Variants in TAGLN observed in about 807,000 individuals in gnomAD.
TAGLN encodes the protein 22 kDa actin-binding protein.
TAGLN carries 16 observed loss-of-function variants against 21.9 expected under a neutral mutation model. The observed-to-expected ratio is 0.73, with a 90% CI of 0.49 to 1.11. The LOEUF is 1.11. TAGLN is among the 50% of genes least tolerant of loss of function. The pLI is 0.00. For synonymous variants in TAGLN, 96 were observed against 94.9 expected (o/e 1.01, Z -0.06); for missense variants, 248 against 263.2 (o/e 0.94, Z 0.40).
In TAGLN at chr11:117,203,103, G is replaced by A; in HGVS notation, c.90G>A (p.Leu30=). The change falls in exon 2 of 5, where the codon CTG becomes CTA. Residue 30 remains leucine, a synonymous_variant. Transcript: ENST00000392951. This position sits in a 1 kb window ranked among gnomAD's most constrained non-coding sequence, Gnocchi z 4.4. Reference sequence around the variant, plus strand: ...ATGACGAGGAGCTGGAGGAGCGGCTGGTGGAGTGGATCATAGTGCAGTGTG... The same window carrying A: ...ATGACGAGGAGCTGGAGGAGCGGCTAGTGGAGTGGATCATAGTGCAGTGTG... ...KKYDEELEER[L]VEWIIVQCGP... 6.2e-7 allele frequency: 1 copy of A among 1,612,850 alleles called. No homozygotes were observed. The highest frequency in any genetic ancestry group is 1.1e-5 in the South Asian group (1 of 90,862).
chr11:117,204,850 C>T lies in TAGLN; in HGVS notation c.*491C>T, dbSNP rs508487. Reference sequence around the variant, plus strand: ...CACTTTTGTTATGGTTTCAGATCTGCGCAGGGGACAGGCAGGCATCTCGGG... The same window carrying T: ...CACTTTTGTTATGGTTTCAGATCTGTGCAGGGGACAGGCAGGCATCTCGGG... On this transcript the variant is annotated 3_prime_UTR_variant, in exon 5 of 5. Coordinates refer to ENST00000392951, the MANE Select transcript of TAGLN (RefSeq NM_003186.5). 16,743 of 267,740 alleles carry T rather than the reference C, an allele frequency of 0.063. 718 individuals carry two copies. Among genetic ancestry groups the T allele is most frequent in the East Asian group, 0.13 (1,911 of 15,142 alleles). The allele number at this position is 267,740 out of a possible 1,614,324, so 16.6% of individuals were successfully genotyped here.
rs773771927 is a variant in TAGLN, at chr11:117,203,766, T to G, written c.359-16T>G. The stretch of plus-strand genomic sequence containing the variant: ...ACGTTCTTGATGTTCATCTCCTCTC[T>G]CCTGTCTTCTCACAGGCAAAGACAT... On this transcript the variant is annotated splice_polypyrimidine_tract_variant and intron_variant, in intron 3 of 4. Transcript: ENST00000392951. The surrounding 1 kb of genome is among the most constrained non-coding windows in gnomAD (Gnocchi z 4.4). 1 of 1,608,628 alleles carries G rather than the reference T, an allele frequency of 6.2e-7. No individual in the cohort carries two copies. Among genetic ancestry groups the G allele is most frequent in the Non-Finnish European group, 8.5e-7 (1 of 1,175,436 alleles).
intron 4 of TAGLN, 136 bp downstream of exon 4, chr11:117,204,020 T>C: frequency 9.9e-7 from 1 of 1,006,914 alleles, no homozygotes. Context: ...GAATAATGGG[T>C]CCTTAATACT....
In TAGLN at chr11:117,205,507, G is replaced by T; in HGVS notation, c.*1148G>T. 1 of 234,430 alleles carries T rather than the reference G, an allele frequency of 4.3e-6. No individual in the cohort carries two copies. 14.5% of individuals were successfully genotyped at this position (234,430 alleles called of 1,614,324 possible). On this transcript the variant is annotated 3_prime_UTR_variant, in exon 5 of 5. Transcript: ENST00000392951. ...TCATTCATGGTTGGTTTCTGATCAG[G>T]CATCTTGGGAATGGATAATGGAGGC...
Position 117,203,170 on chromosome 11 carries a change from C to T in TAGLN, c.157C>T (p.Gln53Ter). ...CCCAGACCGTGGGCGCTTGGGCTTC[C>T]AGGTCTGGCTGAAGAATGGCGTGGT... ...GRPDRGRLGF[Q>*]VWLKNGVILS... Residue 53 changes from glutamine (Q) to a stop codon, truncating the protein, a stop_gained, in exon 2 of 5, where the codon CAG (glutamine) becomes TAG (stop). Coordinates refer to ENST00000392951, the MANE Select transcript of TAGLN (RefSeq NM_003186.5). LOFTEE classifies it high-confidence loss of function. This position sits in a 1 kb window ranked among gnomAD's most constrained non-coding sequence, Gnocchi z 4.4. The T allele has an allele frequency of 1.9e-6, 3 of 1,590,816 alleles. No homozygotes were observed. Among genetic ancestry groups the T allele is most frequent in the Non-Finnish European group, 2.6e-6 (3 of 1,166,042 alleles).
In TAGLN at chr11:117,206,291, C is replaced by T. The variant is rs757909461; in HGVS notation, c.*1932C>T. 6.2e-7 allele frequency: 1 copy of T among 1,614,152 alleles called. No individual in the cohort carries two copies. The highest frequency in any genetic ancestry group is 1.7e-5 in the Admixed American group (1 of 60,008). ...GATTGGAAGCCACATTCCTCTGGCT[C>T]AAATATACTTCCAGCATGTAGTAAA... On this transcript the variant is annotated 3_prime_UTR_variant, in exon 5 of 5. Coordinates refer to ENST00000392951, the MANE Select transcript of TAGLN (RefSeq NM_003186.5).
Position 117,204,386 on chromosome 11 carries a change from G to A in TAGLN, c.*27G>A. On this transcript the variant is annotated 3_prime_UTR_variant, in exon 5 of 5. Transcript: ENST00000392951. The stretch of plus-strand genomic sequence containing the variant: ...GCGGAGAGGGCTAGCCCTGAGCCCG[G>A]CCCTCCCCCAGCTCCTTGGCTGCAG... The A allele has an allele frequency of 6.2e-7, 1 of 1,614,106 alleles. No homozygotes were observed. Among genetic ancestry groups the A allele is most frequent in the Non-Finnish European group, 8.5e-7 (1 of 1,179,964 alleles).
Position 117,206,438 on chromosome 11 carries a change from A to C in TAGLN, c.*2079A>C. The C allele has an allele frequency of 6.5e-7, 1 of 1,531,358 alleles. No homozygotes were observed. The highest frequency in any genetic ancestry group is 2.3e-5 in the East Asian group (1 of 44,170). 94.9% of individuals were successfully genotyped at this position (1,531,358 alleles called of 1,614,324 possible). ...CTCAGCCCAGGACAATGAGCTCAGA[A>C]AGTCTTTTTCCTTCTAGGGACTGCC... On this transcript the variant is annotated 3_prime_UTR_variant, in exon 5 of 5. Coordinates refer to ENST00000392951, the MANE Select transcript of TAGLN (RefSeq NM_003186.5).
chr11:117,203,175 C>A lies in TAGLN; in HGVS notation c.162C>A (p.Val54=). ...RPDRGRLGFQ[V]WLKNGVILSK... ...ACCGTGGGCGCTTGGGCTTCCAGGT[C>A]TGGCTGAAGAATGGCGTGGTGAGTG... Residue 54 remains valine, a synonymous_variant, in exon 2 of 5, where the codon GTC becomes GTA. Coordinates refer to ENST00000392951, the MANE Select transcript of TAGLN (RefSeq NM_003186.5). The surrounding 1 kb of genome is among the most constrained non-coding windows in gnomAD (Gnocchi z 4.4). 2 of 1,589,928 alleles carry A rather than the reference C, an allele frequency of 1.3e-6. No individual in the cohort carries two copies. The highest frequency in any genetic ancestry group is 2.3e-5 in the South Asian group (2 of 87,964).
Position 117,203,414 on chromosome 11 carries a change from G to T in TAGLN, c.288G>T (p.Gln96His). 6.2e-7 allele frequency: 1 copy of T among 1,614,224 alleles called. No homozygotes were observed. The highest frequency in any genetic ancestry group is 8.5e-7 in the Non-Finnish European group (1 of 1,180,038). The change falls in exon 3 of 5, where the codon CAG becomes CAT. Residue 96 changes from glutamine to histidine, a missense_variant. Transcript: ENST00000392951. The surrounding 1 kb of genome is among the most constrained non-coding windows in gnomAD (Gnocchi z 4.4). ...TCAAGCAGATGGAGCAGGTGGCTCAGTTCCTGAAGGCGGCTGAGGACTATG... is the reference window on the plus strand; with the variant it reads ...TCAAGCAGATGGAGCAGGTGGCTCATTTCCTGAAGGCGGCTGAGGACTATG... Reference protein sequence around the residue: ...MVFKQMEQVAQFLKAAEDYGV... With the variant: ...MVFKQMEQVAHFLKAAEDYGV...
rs369606917 is a variant in TAGLN at position 117,206,158 on chromosome 11, C to T, written c.*1799C>T. 2.2e-5 allele frequency: 36 copies of T among 1,612,034 alleles called. 1 individual carries two copies. The highest frequency in any genetic ancestry group is 1.7e-4 in the Middle Eastern group (1 of 6,056). ...GGGCCCCTGCTCTCTGTTTCCACTT[C>T]GTCTGGATCCTTGCTGCTGCAAAGT... is the stretch of plus-strand genomic sequence containing the variant. On this transcript the variant is annotated 3_prime_UTR_variant, in exon 5 of 5. Coordinates refer to ENST00000392951, the MANE Select transcript of TAGLN (RefSeq NM_003186.5).
Position 117,203,064 on chromosome 11 carries a change from A to C in TAGLN, c.51A>C (p.Lys17Asn), listed in dbSNP as rs1269796827. ...GCATGAGCCGCGAAGTGCAGTCCAA[A>C]ATCGAGAAGAAGTATGACGAGGAGC... The part of the protein sequence containing the change: ...SYGMSREVQS[K>N]IEKKYDEELE... Residue 17 changes from lysine (K) to asparagine (N), a missense_variant, in exon 2 of 5, where the codon AAA becomes AAC. Lys to Asn is a moderately conservative substitution (Grantham distance 94). Transcript: ENST00000392951. The surrounding 1 kb of genome is among the most constrained non-coding windows in gnomAD (Gnocchi z 4.4). 19 of 1,609,146 alleles carry C rather than the reference A, an allele frequency of 1.2e-5. No homozygotes were observed. Among genetic ancestry groups the C allele is most frequent in the Non-Finnish European group, 1.6e-5 (19 of 1,177,734 alleles).
At chr11:117,202,762 A>G in intron 1 of TAGLN, 1 of 349,770 alleles carries the variant, frequency 2.9e-6, no homozygotes. Flanking sequence ...TATCCTTTAC[A>G]AAAACAGTTT....
chr11:117,204,031 C>A, intron 4 of TAGLN, 147 bp downstream of exon 4: 1 of 1,050,860 alleles, frequency 9.5e-7, no homozygotes, highest in Non-Finnish European at 1.4e-6. Flanking sequence ...CCTTAATACT[C>A]CTTGACCCCT....
In TAGLN at chr11:117,203,217, CGCTGGGGG is replaced by C. The variant is rs780168789; in HGVS notation, c.180+32_180+39del. 6 of 1,592,230 alleles carry C rather than the reference CGCTGGGGG, an allele frequency of 3.8e-6. No homozygotes were observed. The highest frequency in any genetic ancestry group is 4.3e-6 in the Non-Finnish European group (5 of 1,165,948). ...TGGTGAGTGGCACCCTGGGCTAGGG[CGCTGGGGG>C]GCTGGGGTGTGCCACCCTGTGAGTC... is the stretch of plus-strand genomic sequence containing the variant. On this transcript the variant is annotated intron_variant, in intron 2 of 4. Coordinates refer to ENST00000392951, the MANE Select transcript of TAGLN (RefSeq NM_003186.5). The surrounding 1 kb of genome is among the most constrained non-coding windows in gnomAD (Gnocchi z 4.4).
chr11:117,204,050 AC>A, intron 4 of TAGLN, 164 bp from the exon 5 acceptor site: 1 of 1,144,812 alleles, frequency 8.7e-7, no homozygotes, highest in Middle Eastern at 2.2e-4. Context: ...CTCCCTTTCC[AC>A]CCTCCTGCGC....
At position 117,205,746 on chromosome 11, in the gene TAGLN, G is replaced by A. The variant is rs1055481540; in HGVS notation, c.*1387G>A. On this transcript the variant is annotated 3_prime_UTR_variant, in exon 5 of 5. Coordinates refer to ENST00000392951, the MANE Select transcript of TAGLN (RefSeq NM_003186.5). ...GATGAGGATGGAGGCCAAACCAAAG[G>A]GGGGCGCCAATCCCCTGTCCAACAC... 9 of 394,260 alleles carry A rather than the reference G, an allele frequency of 2.3e-5. No homozygotes were observed. Among genetic ancestry groups the A allele is most frequent in the East Asian group, 1.2e-4 (3 of 25,972 alleles). 24.4% of individuals were successfully genotyped at this position (394,260 alleles called of 1,614,324 possible).
rs1183426645 is a variant in TAGLN, at chr11:117,205,890, G to GT, written c.*1532dup. 1 of 589,974 alleles carries GT rather than the reference G, an allele frequency of 1.7e-6. No individual in the cohort carries two copies. The highest frequency in any genetic ancestry group is 1.9e-5 in the African/African-American group (1 of 52,560). The allele number at this position is 589,974 out of a possible 1,614,324, so 36.5% of individuals were successfully genotyped here. A position where few individuals can be genotyped will look rare whatever the true frequency, so the allele number is the denominator to read the frequency against. On this transcript the variant is annotated 3_prime_UTR_variant, in exon 5 of 5. Coordinates refer to ENST00000392951, the MANE Select transcript of TAGLN (RefSeq NM_003186.5). ...AAGGCCCTCACCCTCTTTGAGTGGAGTCAGAGGATGCCTCAGATTCCAGAT... is the reference window on the plus strand; with the variant it reads ...AAGGCCCTCACCCTCTTTGAGTGGAGTTCAGAGGATGCCTCAGATTCCAGAT...
chr11:117,203,486 T>TA lies in TAGLN; in HGVS notation c.358+3dup. The TA allele has an allele frequency of 6.2e-7, 1 of 1,612,556 alleles. No homozygotes were observed. The highest frequency in any genetic ancestry group is 2.2e-5 in the East Asian group (1 of 44,820). Reference sequence around the variant, plus strand: ...TCCAGACTGTTGACCTCTTTGAAGGTAGAGAGGAAGAGGCTGGGGGAGGAG... The same window carrying TA: ...TCCAGACTGTTGACCTCTTTGAAGGTAAGAGAGGAAGAGGCTGGGGGAGGAG... On this transcript the variant is annotated splice_region_variant and intron_variant, in intron 3 of 4. Coordinates refer to ENST00000392951, the MANE Select transcript of TAGLN (RefSeq NM_003186.5). This position sits in a 1 kb window ranked among gnomAD's most constrained non-coding sequence, Gnocchi z 4.4.
Sources: allele counts gnomAD v4.1 joint callset, GRCh38; gene constraint gnomAD v4.1.1; non-coding constraint Gnocchi (gnomAD v3.1); transcripts MANE v1.5; gene names NCBI Gene and HGNC (gene_info 2026-07-23, HGNC 2026-07-21).